The following DLGAP1 variants were observed in gnomAD, a reference collection of about 807,000 sequenced individuals.
The protein encoded by DLGAP1 is DLG associated protein 1, also known as disks large-associated protein 1.
In DLGAP1, 11 loss-of-function variants were observed where a neutral mutation model predicts 90.8. The ratio of observed to expected loss-of-function variants is 0.12; its 90% CI spans 0.08 to 0.20. The LOEUF (loss-of-function observed/expected upper bound fraction) is 0.20, where lower values mean the gene tolerates loss of function less well. DLGAP1 is among the 10% of genes least tolerant of loss of function. DLGAP1 has a pLI of 1.00. For missense variants in DLGAP1, 1,050 were observed against 1,333.8 expected (o/e 0.79, Z 3.31); for synonymous variants, 558 against 540.7 (o/e 1.03, Z -0.44).
At chr18:3,669,194 T>G (rs2059990846) in intron 7 of DLGAP1, among the ~76,000 whole-genome samples, 1 of 150,588 alleles carries the variant, frequency 6.6e-6, no homozygotes, top group Admixed American at 6.7e-5. Context: ...TTTTTCTTAT[T>G]TTGCACTGCA....
intron 1 of DLGAP1, among the ~76,000 whole-genome samples, chr18:4,347,012 A>T (rs1034105099): frequency 2.0e-5 from 3 of 152,062 alleles, no homozygotes; most frequent in Admixed American, 6.6e-5. Flanking sequence ...GAGAAATAAC[A>T]TGAAGAATTA....
At chr18:4,338,532 A>G (rs918431803) in intron 1 of DLGAP1, among the ~76,000 whole-genome samples, 1 of 152,164 alleles carries the variant, frequency 6.6e-6, no homozygotes, top group Non-Finnish European at 1.5e-5. Flanking sequence ...ATGTGTACTG[A>G]GTGCCTATTA....
chr18:3,975,180 GT>G (rs2073544027), intron 3 of DLGAP1, among the ~76,000 whole-genome samples: 1 of 151,900 alleles, frequency 6.6e-6, no homozygotes. Context: ...ACTTTTATGT[GT>G]TTTTTAATTA....
chr18:3,549,990 C>T (rs1247684533), intron 9 of DLGAP1, among the ~76,000 whole-genome samples: 3 of 151,254 alleles, frequency 2.0e-5, no homozygotes, highest in Admixed American at 1.3e-4. Flanking sequence ...CTTGGCTCAC[C>T]ACAACCTCCA....
Position 3,499,120 on chromosome 18 carries a change from G to A in DLGAP1, c.*65C>T. The A allele has an allele frequency of 5.0e-6, 7 of 1,401,528 alleles. No homozygotes were observed. The highest frequency in any genetic ancestry group is 2.8e-5 in the South Asian group (2 of 70,402). The allele number at this position is 1,401,528 out of a possible 1,614,324, so 86.8% of individuals were successfully genotyped here. ...CGGGCTCGGAGGGGGAGAGGCAGCC[G>A]GCAGAGGAGCGGCCGGGGGAGGAGG... is the stretch of plus-strand genomic sequence containing the variant. On this transcript the variant is annotated 3_prime_UTR_variant, in exon 13 of 13. Coordinates refer to ENST00000315677, the MANE Select transcript of DLGAP1 (RefSeq NM_004746.4). This position sits in a 1 kb window ranked among gnomAD's most constrained non-coding sequence, Gnocchi z 6.4.
At chr18:3,971,947 G>A (rs2073458469) in intron 3 of DLGAP1, among the ~76,000 whole-genome samples, 1 of 152,162 alleles carries the variant, frequency 6.6e-6, no homozygotes, top group Non-Finnish European at 1.5e-5. Flanking sequence ...GTCCAGTTGA[G>A]TAAGGGAGGA....
chr18:3,613,559 G>A (rs977480163), intron 7 of DLGAP1, among the ~76,000 whole-genome samples: 2 of 151,864 alleles, frequency 1.3e-5, no homozygotes, highest in East Asian at 1.9e-4. Context: ...GGCTGGTCTC[G>A]AACTCCTGGG....
rs1469294775 is a variant in DLGAP1, at chr18:3,498,974, G to C, written c.*211C>G. The C allele has an allele frequency of 1.8e-6, 1 of 561,164 alleles. No homozygotes were observed. Among genetic ancestry groups the C allele is most frequent in the Non-Finnish European group, 3.1e-6 (1 of 321,396 alleles). 34.8% of individuals were successfully genotyped at this position (561,164 alleles called of 1,614,324 possible). On this transcript the variant is annotated 3_prime_UTR_variant, in exon 13 of 13. Transcript: ENST00000315677. The stretch of plus-strand genomic sequence containing the variant: ...GCATCAGGACAGGGGGCGAAGCTCG[G>C]TGAAGAAGGAGATGGGCAAACGGGT...
intron 3 of DLGAP1, among the ~76,000 whole-genome samples, chr18:3,881,817 G>T (rs192911908): frequency 0.014 from 2,137 of 152,270 alleles, 50 homozygotes; most frequent in African/African-American, 0.048. Context: ...GGAGGCTGAG[G>T]CAGGAGAATG....
intron 2 of DLGAP1, among the ~76,000 whole-genome samples, chr18:4,108,908 G>T (rs573224666): frequency 1.3e-5 from 2 of 152,174 alleles, no homozygotes; most frequent in African/African-American, 4.8e-5. Context: ...TCACATGAAA[G>T]AATGAACTTC....
intron 3 of DLGAP1, among the ~76,000 whole-genome samples, chr18:3,915,757 T>C (rs558449957): frequency 6.6e-6 from 1 of 152,328 alleles, no homozygotes; most frequent in African/African-American, 2.4e-5. Context: ...TTTGGGAGAA[T>C]GTCATCTCTC....
chr18:3,776,288 T>A (rs2064934674), intron 5 of DLGAP1, among the ~76,000 whole-genome samples: 1 of 152,202 alleles, frequency 6.6e-6, no homozygotes, highest in African/African-American at 2.4e-5. Context: ...TTTTAAAGGT[T>A]ACCAGTCTCA....
chr18:4,071,238 ATG>A (rs535648337), intron 2 of DLGAP1, among the ~76,000 whole-genome samples: 773 of 11,102 alleles, frequency 0.07, 6 homozygotes, highest in African/African-American at 0.11. Flanking sequence ...AAAGATATAC[ATG>A]TGTGTGTGTG....
intron 2 of DLGAP1, among the ~76,000 whole-genome samples, chr18:4,014,814 A>T (rs1278150588): frequency 6.6e-6 from 1 of 152,180 alleles, no homozygotes; most frequent in Non-Finnish European, 1.5e-5. Flanking sequence ...CCCAGTAGAC[A>T]CTGCGGAAGT....
intron 1 of DLGAP1, among the ~76,000 whole-genome samples, chr18:4,439,677 C>T (rs1025738251): frequency 1.3e-5 from 2 of 152,034 alleles, no homozygotes; most frequent in Non-Finnish European, 2.9e-5. Context: ...GGCATGGTGG[C>T]ACACACCTGT....
At chr18:3,882,630 A>G (rs1156373978) in intron 3 of DLGAP1, among the ~76,000 whole-genome samples, 1 of 152,120 alleles carries the variant, frequency 6.6e-6, no homozygotes, top group Non-Finnish European at 1.5e-5. Flanking sequence ...CTAATAGCTC[A>G]GCCTCAGGGA....
rs1330663471 is a variant in DLGAP1, at chr18:3,499,150, A to C, written c.*35T>G. ...AGGAGCGGCCGGGGGAGGAGGGGAC[A>C]GATGCTTGGCGGCGGCGGCCGGGCT... On this transcript the variant is annotated 3_prime_UTR_variant, in exon 13 of 13. Coordinates refer to ENST00000315677, the MANE Select transcript of DLGAP1 (RefSeq NM_004746.4). This position sits in a 1 kb window ranked among gnomAD's most constrained non-coding sequence, Gnocchi z 6.4. 3 of 1,512,892 alleles carry C rather than the reference A, an allele frequency of 2.0e-6. No homozygotes were observed. The South Asian group carries it at 3.7e-5, about 19-fold the overall frequency. The allele number at this position is 1,512,892 out of a possible 1,614,324, so 93.7% of individuals were successfully genotyped here.
intron 1 of DLGAP1, among the ~76,000 whole-genome samples, chr18:4,337,129 GA>G (rs377398210): frequency 0.14 from 8,322 of 61,364 alleles, 301 homozygotes; most frequent in Non-Finnish European, 0.16. Flanking sequence ...AAAGAAAAAA[GA>G]AAAAAAAAAA....
chr18:3,530,021 T>C (rs757847645), intron 10 of DLGAP1, among the ~76,000 whole-genome samples: 2 of 152,212 alleles, frequency 1.3e-5, no homozygotes, highest in Admixed American at 6.5e-5. Flanking sequence ...CACATCATTA[T>C]AGAGTTGGGT....
Sources: allele counts gnomAD v4.1 joint callset (sites outside exome capture counted in the v4.1 genomes callset), GRCh38; gene constraint gnomAD v4.1.1; non-coding constraint Gnocchi (gnomAD v3.1); transcripts MANE v1.5; gene names NCBI Gene and HGNC (gene_info 2026-07-23, HGNC 2026-07-21).